OTOGL: variants seen among roughly 807,000 people sequenced by gnomAD.
The protein encoded by OTOGL is otogelin-like protein.
OTOGL carries 285 observed loss-of-function variants against 318.5 expected under a neutral mutation model. The observed-to-expected ratio is 0.89, with a 90% CI of 0.81 to 0.99. The LOEUF is 0.99. Among genes scored for constraint, OTOGL ranks in the 50% least tolerant of loss-of-function variants. The pLI is 0.00. For synonymous variants in OTOGL, 987 were observed against 936.5 expected, an observed-to-expected ratio of 1.05 and a Z score of -0.99; for missense variants, 2,899 against 2,845.6, an observed-to-expected ratio of 1.02 and a Z score of -0.43.
intron 56 of OTOGL, 179 bp downstream of exon 56, chr12:80,370,868 C>T (rs917602642): frequency 1.8e-4 from 78 of 429,236 alleles, no homozygotes; most frequent in Admixed American, 1.7e-4. Flanking sequence ...TTATATACGG[C>T]GTTCCAGGTA....
chr12:80,147,040 G>C (rs1872428404), intron 1 of OTOGL, among the ~76,000 whole-genome samples: 1 of 150,930 alleles, frequency 6.6e-6, no homozygotes, highest in African/African-American at 2.4e-5. Context: ...AGGGTTTTTT[G>C]TGTCTCTATT....
In OTOGL at chr12:80,219,839, T is replaced by C. The variant is rs542629608; in HGVS notation, c.261T>C (p.Asn87=). The C allele has an allele frequency of 6.3e-7, 1 of 1,591,182 alleles. No homozygotes were observed. Among genetic ancestry groups the C allele is most frequent in the African/African-American group, 1.3e-5 (1 of 74,600 alleles). ...IKGSCPYECL[N]GAFCSKTGTC... ...GTTCTTGTCCTTATGAATGCCTTAA[T>C]GGAGCTTTCTGTTCTAAGACTGGAA... Residue 87 remains asparagine (N), a synonymous_variant, in exon 6 of 59, where the codon AAT becomes AAC. Transcript: ENST00000547103.
chr12:80,116,472 G>T (rs376599531), intron 1 of OTOGL, among the ~76,000 whole-genome samples: 70 of 152,210 alleles, frequency 4.6e-4, no homozygotes, highest in African/African-American at 1.6e-3. Flanking sequence ...CCTGGGAACT[G>T]CATATAGGAG....
At chr12:80,240,668 A>G (rs1880299789) in intron 11 of OTOGL, among the ~76,000 whole-genome samples, 1 of 152,086 alleles carries the variant, frequency 6.6e-6, no homozygotes, top group African/African-American at 2.4e-5. Context: ...TGTGTTGCCT[A>G]TAGGCACAAT....
At chr12:80,122,182 A>T (rs1870526684) in intron 1 of OTOGL, among the ~76,000 whole-genome samples, 1 of 152,200 alleles carries the variant, frequency 6.6e-6, no homozygotes, top group South Asian at 2.1e-4. Flanking sequence ...TTGAGATCAC[A>T]GTTAGAATTA....
chr12:80,329,438 C>T (rs566245624), intron 37 of OTOGL, among the ~76,000 whole-genome samples: 2 of 152,294 alleles, frequency 1.3e-5, no homozygotes, highest in African/African-American at 2.4e-5. Context: ...CATTTCAGTT[C>T]GTGTAGATTC....
At chr12:80,226,494 G>T (rs78907631) in intron 7 of OTOGL, among the ~76,000 whole-genome samples, 10,111 of 152,046 alleles carry the variant, frequency 0.066, 459 homozygotes, top group Middle Eastern at 0.11. Flanking sequence ...CAAGTTATCA[G>T]CTTCTCTTTT....
At chr12:80,128,812 G>A (rs1871041197) in intron 1 of OTOGL, among the ~76,000 whole-genome samples, 1 of 152,196 alleles carries the variant, frequency 6.6e-6, no homozygotes, top group Non-Finnish European at 1.5e-5. Context: ...AATGAGCGAG[G>A]CTTCGTAGGC....
At chr12:80,268,014 A>G (rs113582079) in intron 22 of OTOGL, among the ~76,000 whole-genome samples, 90 of 152,204 alleles carry the variant, frequency 5.9e-4, no homozygotes, top group African/African-American at 2.1e-3. Context: ...AATGTCCTGC[A>G]CAGTAGTAAG....
Position 80,239,354 on chromosome 12 carries a change from A to C in OTOGL, c.967A>C (p.Ile323Leu), listed in dbSNP as rs370839911. Residue 323 changes from isoleucine to leucine, a missense_variant, in exon 11 of 59, where the codon ATA becomes CTA. By Grantham distance (5) the Ile-to-Leu change is conservative. Transcript: ENST00000547103. The part of the protein sequence containing the change: ...AFEAIFFKCQ[I>L]LLQFPFLSCH... Reference sequence around the variant, plus strand: ...ACAGGCAATCTTCTTCAAGTGTCAGATACTGTTGCAGTTTCCTTTTCTGAG... The same window carrying C: ...ACAGGCAATCTTCTTCAAGTGTCAGCTACTGTTGCAGTTTCCTTTTCTGAG... 1.1e-5 allele frequency: 18 copies of C among 1,609,006 alleles called. No homozygotes were observed. The African/African-American group carries it at 2.0e-4, about 18-fold the overall frequency.
chr12:80,112,353 C>G (rs1431476122), intron 1 of OTOGL, among the ~76,000 whole-genome samples: 1 of 152,104 alleles, frequency 6.6e-6, no homozygotes, highest in Non-Finnish European at 1.5e-5. Context: ...CAGCTTTTGC[C>G]CATTCGGTAT....
In OTOGL at chr12:80,239,784, T is replaced by C. The variant is rs979463591; in HGVS notation, c.1052+345T>C. 4.6e-5 allele frequency among the ~76,000 whole-genome samples: 7 copies of C among 152,234 alleles called. No homozygotes were observed. In the East Asian group the frequency reaches 5.8e-4, roughly 13 times the overall value. On this transcript the variant is annotated intron_variant, in intron 11 of 58. Coordinates refer to ENST00000547103, the MANE Select transcript of OTOGL (RefSeq NM_001378609.3). The stretch of plus-strand genomic sequence containing the variant: ...TATTCTGAAATATACAATTGATTAA[T>C]GTTAGCTATAGTCCCCCCTACTTTT...
chr12:80,376,696 T>G (rs1298264746), intron 57 of OTOGL, among the ~76,000 whole-genome samples: 1 of 152,148 alleles, frequency 6.6e-6, no homozygotes, highest in Non-Finnish European at 1.5e-5. Context: ...ATCTCTCAAT[T>G]TTTATTTTAA....
At chr12:80,151,301 C>T (rs1000483485) in intron 1 of OTOGL, among the ~76,000 whole-genome samples, 33 of 152,146 alleles carry the variant, frequency 2.2e-4, no homozygotes, top group Admixed American at 2.0e-4. Context: ...AAAGGCAAGA[C>T]GAGCCTAAAG....
At chr12:80,146,852 G>A (rs1186326392) in intron 1 of OTOGL, among the ~76,000 whole-genome samples, 1 of 151,992 alleles carries the variant, frequency 6.6e-6, no homozygotes, top group African/African-American at 2.4e-5. Context: ...GCATAGAGGT[G>A]TTTGTAGTAT....
At chr12:80,123,272 G>T (rs1305510058) in intron 1 of OTOGL, among the ~76,000 whole-genome samples, 1 of 151,984 alleles carries the variant, frequency 6.6e-6, no homozygotes, top group Non-Finnish European at 1.5e-5. Flanking sequence ...CTATGAGTGA[G>T]AACATGTGGT....
At chr12:80,233,205 C>A in intron 9 of OTOGL, 108 bp downstream of exon 9, 2 of 961,366 alleles carry the variant, frequency 2.1e-6, no homozygotes, top group South Asian at 3.6e-5. Context: ...AAATTTGTGG[C>A]TGTCACTTGC....
chr12:80,310,755 A>C (rs761681912), intron 30 of OTOGL, 28 bp downstream of exon 30: 1 of 1,491,310 alleles, frequency 6.7e-7, no homozygotes, highest in Non-Finnish European at 9.2e-7. Context: ...TGAACTCTCG[A>C]GTTTCAATAT....
At chr12:80,340,024 C>A (rs1168693558) in intron 43 of OTOGL, among the ~76,000 whole-genome samples, 4 of 152,048 alleles carry the variant, frequency 2.6e-5, no homozygotes, top group African/African-American at 9.7e-5. Context: ...CAGTAATATC[C>A]ATTTTCAAGA....
Sources: allele counts gnomAD v4.1 joint callset (sites outside exome capture counted in the v4.1 genomes callset), GRCh38; gene constraint gnomAD v4.1.1; transcripts MANE v1.5; gene names NCBI Gene and HGNC (gene_info 2026-07-23, HGNC 2026-07-21).